The following BBC3 variants were observed in gnomAD, a reference collection of about 807,000 sequenced individuals.
BBC3 encodes BCL2 binding component 3, also known as bcl-2-binding component 3.
In BBC3, 5 loss-of-function variants were observed where a neutral mutation model predicts 18.2. That is an observed-to-expected ratio of 0.27 (90% CI 0.14 to 0.58). The LOEUF (loss-of-function observed/expected upper bound fraction) is 0.58. Among genes scored for constraint, BBC3 ranks in the 20% least tolerant of loss-of-function variants. The probability of loss-of-function intolerance (pLI) is 0.91; values close to 1 mark genes in which losing one functional copy is unlikely to be tolerated. For missense variants in BBC3, 224 were observed against 268.9 expected, an observed-to-expected ratio of 0.83 and a Z score of 1.17; for synonymous variants, 119 against 128.0, an observed-to-expected ratio of 0.93 and a Z score of 0.47.
rs1431470476 is a variant in BBC3, at chr19:47,226,776, G to A, written c.275-22C>T. The A allele has an allele frequency of 9.4e-6, 13 of 1,378,554 alleles. No homozygotes were observed. The South Asian group carries it at 1.8e-4, about 19-fold the overall frequency. 85.4% of individuals were successfully genotyped at this position (1,378,554 alleles called of 1,614,324 possible). A position where few individuals can be genotyped will look rare whatever the true frequency, so the allele number is the denominator to read the frequency against. Reference sequence around the variant, plus strand: ...GGACCTTGGAGAGGCAGAGGGGCGCGGTCAGCACCCACCACCCCTCCAGGC... The same window carrying A: ...GGACCTTGGAGAGGCAGAGGGGCGCAGTCAGCACCCACCACCCCTCCAGGC... On this transcript the variant is annotated intron_variant, in intron 2 of 3. Coordinates refer to ENST00000439096, the MANE Select transcript of BBC3 (RefSeq NM_014417.5).
At position 47,228,577 on chromosome 19, in the gene BBC3, C is replaced by T. The variant is rs546212725; in HGVS notation, c.-15-131G>A. 98 of 933,986 alleles carry T rather than the reference C, an allele frequency of 1.0e-4. No individual in the cohort carries two copies. The East Asian group carries it at 3.1e-3, about 30-fold the overall frequency. The allele number at this position is 933,986 out of a possible 1,614,324, so 57.9% of individuals were successfully genotyped here. ...TGTGCATGCGGAGGGGGTGACGGCC[C>T]CACAGAGACACGCCCAGCCGGGGGA... On this transcript the variant is annotated intron_variant, in intron 1 of 3. Transcript: ENST00000439096. This position sits in a 1 kb window ranked among gnomAD's most constrained non-coding sequence, Gnocchi z 5.5.
rs919109626 is a variant in BBC3, at chr19:47,230,900, C to T, written c.-16+29G>A. The T allele has an allele frequency of 1.0e-6, 1 of 982,940 alleles. No homozygotes were observed. Among genetic ancestry groups the T allele is most frequent in the Admixed American group, 6.1e-5 (1 of 16,278 alleles). The allele number at this position is 982,940 out of a possible 1,614,324, so 60.9% of individuals were successfully genotyped here. ...TCCACCCGGCCTGGCCGATCGCCGC[C>T]GGAGAGGATTCGGGGCGCGCACACT... On this transcript the variant is annotated intron_variant, in intron 1 of 3. Coordinates refer to ENST00000439096, the MANE Select transcript of BBC3 (RefSeq NM_014417.5). This position sits in a 1 kb window ranked among gnomAD's most constrained non-coding sequence, Gnocchi z 6.7.
In BBC3 at chr19:47,228,389, C is replaced by G; in HGVS notation, c.43G>C (p.Glu15Gln). The G allele has an allele frequency of 8.1e-7, 1 of 1,231,764 alleles. No homozygotes were observed. Among genetic ancestry groups the G allele is most frequent in the Non-Finnish European group, 1.0e-6 (1 of 988,020 alleles). 76.3% of individuals were successfully genotyped at this position (1,231,764 alleles called of 1,614,324 possible). A position where few individuals can be genotyped will look rare whatever the true frequency, so the allele number is the denominator to read the frequency against. ...RQEGSSPEPV[E>Q]GLARDGPRPF... ...CGCGGGCCGTCGCGGGCCAGGCCCT[C>G]TACGGGCTCCGGGGAGCTGCCCTCC... The change falls in exon 2 of 4, where the codon GAG (glutamate) becomes CAG (glutamine). Residue 15 changes from glutamate (E) to glutamine (Q), a missense_variant. Glu to Gln is a conservative substitution (Grantham distance 29, BLOSUM62 2). Transcript: ENST00000439096. The surrounding 1 kb of genome is among the most constrained non-coding windows in gnomAD (Gnocchi z 5.5).
At chr19:47,227,771 C>G (rs1238283767) in intron 2 of BBC3, among the ~76,000 whole-genome samples, 1 of 152,096 alleles carries the variant, frequency 6.6e-6, no homozygotes, top group South Asian at 2.1e-4. Context: ...AAAGGCCTCT[C>G]GACCCCTCCC....
At position 47,221,884 on chromosome 19, in the gene BBC3, G is replaced by T. The variant is rs2058756187; in HGVS notation, c.500C>A (p.Pro167His). ...QEEQQRHRPS[P>H]WRVLYNLIMG... ...GATGAGATTGTACAGGACCCTCCAG[G>T]GTGAGGGGCGGTGCCGCTGCTGCTC... Residue 167 changes from proline to histidine, a missense_variant, in exon 4 of 4, where the codon CCC becomes CAC. Coordinates refer to ENST00000439096, the MANE Select transcript of BBC3 (RefSeq NM_014417.5). 1 of 1,609,922 alleles carries T rather than the reference G, an allele frequency of 6.2e-7. No individual in the cohort carries two copies. The highest frequency in any genetic ancestry group is 1.1e-5 in the South Asian group (1 of 90,660).
chr19:47,226,688 G>C lies in BBC3; in HGVS notation c.341C>G (p.Ala114Gly), dbSNP rs2058828730. The stretch of plus-strand genomic sequence containing the variant: ...CGCCTGGGTGGGACCGCCCGCCAGA[G>C]CCCCCGGGGCGCTGGGCACGGGCGA... ...LESPVPSAPGALAGGPTQAAP... is the reference protein window; with the variant it reads ...LESPVPSAPGGLAGGPTQAAP... The change falls in exon 3 of 4, where the codon GCT becomes GGT. Residue 114 changes from alanine (A) to glycine (G), a missense_variant. Ala to Gly is a moderately conservative substitution (Grantham distance 60, BLOSUM62 0). Transcript: ENST00000439096. 6.7e-7 allele frequency: 1 copy of C among 1,489,792 alleles called. No individual in the cohort carries two copies. Among genetic ancestry groups the C allele is most frequent in the Non-Finnish European group, 8.9e-7 (1 of 1,121,976 alleles). The allele number at this position is 1,489,792 out of a possible 1,614,324, so 92.3% of individuals were successfully genotyped here.
intron 3 of BBC3, among the ~76,000 whole-genome samples, chr19:47,223,201 G>A (rs917644019): frequency 5.3e-5 from 8 of 151,914 alleles, no homozygotes; most frequent in Admixed American, 2.0e-4. Flanking sequence ...AACCCGGTAG[G>A]TGGAGCTTGC....
At chr19:47,232,405 C>T, upstream of BBC3, 1 of 856,708 alleles carries the variant, frequency 1.2e-6, no homozygotes, top group Non-Finnish European at 1.8e-6. Context: ...CCAAATCAGA[C>T]ATAGAAGAAA....
chr19:47,221,693 C>T lies in BBC3; in HGVS notation c.*109G>A. 6.4e-7 allele frequency: 1 copy of T among 1,560,196 alleles called. No homozygotes were observed. The highest frequency in any genetic ancestry group is 2.3e-4 in the Middle Eastern group (1 of 4,372). On this transcript the variant is annotated 3_prime_UTR_variant, in exon 4 of 4. Coordinates refer to ENST00000439096, the MANE Select transcript of BBC3 (RefSeq NM_014417.5). The stretch of plus-strand genomic sequence containing the variant: ...CCCCGGGACAGGCAGGGCTGGGAGT[C>T]CAGTATGCTACATGGTGCAGAGAAA...
chr19:47,225,432 G>A (rs1487044700), intron 3 of BBC3, among the ~76,000 whole-genome samples: 1 of 151,804 alleles, frequency 6.6e-6, no homozygotes, highest in Non-Finnish European at 1.5e-5. Flanking sequence ...TCATGGCTCA[G>A]TGCAGCCTCG....
rs1225626665 is a variant in BBC3 at position 47,226,421 on chromosome 19, C to A, written c.465+143G>T. On this transcript the variant is annotated intron_variant, in intron 3 of 3. Coordinates refer to ENST00000439096, the MANE Select transcript of BBC3 (RefSeq NM_014417.5). ...GCTCTGCGGGCGCGCGATTCCCCCC[C>A]ACCCACTTACCCCCCACCTGCCTGT... The A allele has an allele frequency of 1.1e-5, 6 of 568,696 alleles. No homozygotes were observed. The South Asian group carries it at 1.2e-4, about 12-fold the overall frequency. The allele number at this position is 568,696 out of a possible 1,614,324, so 35.2% of individuals were successfully genotyped here.
At chr19:47,226,868 C>G in intron 2 of BBC3, 114 bp from the exon 3 acceptor site, 7 of 931,988 alleles carry the variant, frequency 7.5e-6, no homozygotes, top group South Asian at 2.2e-5. Flanking sequence ...CTAGTGATCC[C>G]ATCGCTAGTG....
intron 3 of BBC3, chr19:47,222,391 G>A (rs773397335): frequency 6.5e-6 from 1 of 153,114 alleles, no homozygotes; most frequent in Middle Eastern, 3.3e-3. Flanking sequence ...TCTAGGCAAC[G>A]CCGAGTGAAA....
intron 2 of BBC3, chr19:47,227,033 C>T (rs2058836627): frequency 2.9e-6 from 1 of 343,794 alleles, no homozygotes; most frequent in Admixed American, 4.7e-5. Context: ...GGTGGTCAGG[C>T]TTAACGACCT....
chr19:47,230,963 T>TG lies in BBC3; in HGVS notation c.-51dup, dbSNP rs2058907008. The TG allele has an allele frequency of 1.0e-6, 1 of 981,326 alleles. No homozygotes were observed. The highest frequency in any genetic ancestry group is 1.2e-6 in the Non-Finnish European group (1 of 826,686). The allele number at this position is 981,326 out of a possible 1,614,324, so 60.8% of individuals were successfully genotyped here. A position where few individuals can be genotyped will look rare whatever the true frequency, so the allele number is the denominator to read the frequency against. Reference sequence around the variant, plus strand: ...ATGAACACGCCGGAGGGGGCGGCGGTGGGGGGCGGGCGGCTTCCTTCAGGA... The same window carrying TG: ...ATGAACACGCCGGAGGGGGCGGCGGTGGGGGGGCGGGCGGCTTCCTTCAGGA... On this transcript the variant is annotated 5_prime_UTR_variant, in exon 1 of 4. Transcript: ENST00000439096. The surrounding 1 kb of genome is among the most constrained non-coding windows in gnomAD (Gnocchi z 6.7).
rs1260205788 is a variant in BBC3 at position 47,230,751 on chromosome 19, C to G, written c.-16+178G>C. 1.0e-6 allele frequency: 1 copy of G among 985,116 alleles called. No homozygotes were observed. Among genetic ancestry groups the G allele is most frequent in the African/African-American group, 1.7e-5 (1 of 57,208 alleles). The allele number at this position is 985,116 out of a possible 1,614,324, so 61.0% of individuals were successfully genotyped here. ...TGCGCCCAGACCGGCGCCCCAACGC[C>G]GAGCCGCCTCTCACCCGGCGACCCT... is the stretch of plus-strand genomic sequence containing the variant. On this transcript the variant is annotated intron_variant, in intron 1 of 3. Coordinates refer to ENST00000439096, the MANE Select transcript of BBC3 (RefSeq NM_014417.5). The surrounding 1 kb of genome is among the most constrained non-coding windows in gnomAD (Gnocchi z 6.7).
In BBC3 at chr19:47,221,746, A is replaced by C. The variant is rs1232734535; in HGVS notation, c.*56T>G. 2 of 1,603,960 alleles carry C rather than the reference A, an allele frequency of 1.2e-6. No individual in the cohort carries two copies. Among genetic ancestry groups the C allele is most frequent in the African/African-American group, 1.3e-5 (1 of 74,124 alleles). On this transcript the variant is annotated 3_prime_UTR_variant, in exon 4 of 4. Transcript: ENST00000439096. ...CCCCCGCGCTGGCCAGGGTGTCAGG[A>C]GGTGGGAGGGGCCTGCCCCCCGAGT...
upstream of BBC3, among the ~76,000 whole-genome samples, chr19:47,232,174 A>C (rs1020156437): frequency 1.3e-5 from 2 of 152,224 alleles, no homozygotes; most frequent in Non-Finnish European, 2.9e-5. Context: ...CAACATGATG[A>C]AACCCCATCT....
upstream of BBC3, chr19:47,232,512 C>T (rs917010052): frequency 1.3e-6 from 2 of 1,547,762 alleles, no homozygotes; most frequent in Non-Finnish European, 8.7e-7. Context: ...TGGCCACACT[C>T]ACCACAAATC....
Sources: gnomAD v4.1 joint callset for allele counts (sites outside exome capture counted in the v4.1 genomes callset) on GRCh38, gnomAD v4.1.1 for gene constraint, Gnocchi (gnomAD v3.1) non-coding constraint, MANE v1.5 for transcripts, NCBI Gene and HGNC (gene_info 2026-07-23, HGNC 2026-07-21) for gene names.